The following NT5C2 variants were observed in gnomAD, a reference collection of about 807,000 sequenced individuals.
NT5C2 encodes the protein 5'-nucleotidase, cytosolic II, also known as cytosolic purine 5'-nucleotidase.
Under a neutral mutation model 76.1 loss-of-function variants are expected in NT5C2, and 58 were observed. The observed-to-expected ratio is 0.76, with a 90% CI of 0.62 to 0.95. The LOEUF (loss-of-function observed/expected upper bound fraction) is 0.95, where lower values mean the gene tolerates loss of function less well. Among genes scored for constraint, NT5C2 ranks in the 40% least tolerant of loss-of-function variants. NT5C2 has a pLI of 0.00. For synonymous variants in NT5C2, 229 were observed against 237.4 expected, an observed-to-expected ratio of 0.96 and a Z score of 0.32; for missense variants, 478 against 690.3, an observed-to-expected ratio of 0.69 and a Z score of 3.45.
At chr10:103,124,658 C>A (rs1185531314) in intron 4 of NT5C2, among the ~76,000 whole-genome samples, 1 of 151,910 alleles carries the variant, frequency 6.6e-6, no homozygotes, top group Admixed American at 6.6e-5. Context: ...CTCCCCCCAC[C>A]TTTTAAAAAA....
intron 3 of NT5C2, among the ~76,000 whole-genome samples, chr10:103,169,806 C>A (rs1157710774): frequency 6.6e-6 from 1 of 151,884 alleles, no homozygotes; most frequent in East Asian, 1.9e-4. Context: ...CATAGTGAGA[C>A]CACATCTCTA....
intron 13 of NT5C2, 45 bp from the exon 14 acceptor site, chr10:103,094,083 C>A: frequency 6.7e-7 from 1 of 1,494,784 alleles, no homozygotes; most frequent in Non-Finnish European, 9.3e-7. Context: ...CATCCTATCA[C>A]AATCCTCCCC....
intron 3 of NT5C2, among the ~76,000 whole-genome samples, chr10:103,164,019 G>C (rs1401903520): frequency 6.6e-6 from 1 of 152,004 alleles, no homozygotes; most frequent in East Asian, 1.9e-4. Context: ...CAGGAGAACT[G>C]TTTGAAGCCC....
intron 4 of NT5C2, among the ~76,000 whole-genome samples, chr10:103,127,836 G>A (rs951432052): frequency 3.9e-5 from 6 of 152,082 alleles, no homozygotes; most frequent in Admixed American, 2.0e-4. Context: ...GATTACAGGC[G>A]TGAGCCACCG....
chr10:103,096,486 GAAGTT>G (rs1205955670), intron 11 of NT5C2, among the ~76,000 whole-genome samples: 2 of 152,154 alleles, frequency 1.3e-5, no homozygotes, highest in Admixed American at 1.3e-4. Context: ...AAAGTAAGAT[GAAGTT>G]AAGGAGTTAG....
intron 4 of NT5C2, among the ~76,000 whole-genome samples, chr10:103,116,042 A>G (rs1245679462): frequency 1.3e-5 from 2 of 152,182 alleles, no homozygotes; most frequent in African/African-American, 2.4e-5. Flanking sequence ...AAGTTTAAGA[A>G]AAATAATAGC....
intron 4 of NT5C2, among the ~76,000 whole-genome samples, chr10:103,114,650 G>A (rs2073917104): frequency 6.6e-6 from 1 of 152,134 alleles, no homozygotes; most frequent in Non-Finnish European, 1.5e-5. Context: ...GGTACTTAAT[G>A]AATTGGAAAT....
chr10:103,135,549 C>A (rs1393876661), intron 4 of NT5C2, among the ~76,000 whole-genome samples: 2 of 146,666 alleles, frequency 1.4e-5, no homozygotes, highest in East Asian at 4.1e-4. Context: ...CCGAGGCAGG[C>A]AGATCACCTG....
chr10:103,148,559 G>A (rs1301915737), intron 3 of NT5C2, among the ~76,000 whole-genome samples: 5 of 151,302 alleles, frequency 3.3e-5, no homozygotes, highest in East Asian at 1.9e-4. Flanking sequence ...AGCCAAGATC[G>A]TGCCACTGCA....
At chr10:103,115,478 A>T (rs2074123963) in intron 4 of NT5C2, among the ~76,000 whole-genome samples, 1 of 152,216 alleles carries the variant, frequency 6.6e-6, no homozygotes, top group Non-Finnish European at 1.5e-5. Flanking sequence ...GATGCCACTA[A>T]TATTATTACA....
In NT5C2 at chr10:103,089,442, T is replaced by TATTTTCTTCTAATAC; in HGVS notation, c.*215_*229dup. On this transcript the variant is annotated 3_prime_UTR_variant, in exon 19 of 19. Transcript: ENST00000404739. ...ATGCAGTTCAGCCTGATTTTACCCT[T>TATTTTCTTCTAATAC]ATTTTCTTCTAATACAGACTCCATT... The TATTTTCTTCTAATAC allele has an allele frequency of 1.8e-6, 1 of 570,508 alleles. No homozygotes were observed. The highest frequency in any genetic ancestry group is 2.7e-6 in the Non-Finnish European group (1 of 372,880). The allele number at this position is 570,508 out of a possible 1,614,324, so 35.3% of individuals were successfully genotyped here. A position where few individuals can be genotyped will look rare whatever the true frequency, so the allele number is the denominator to read the frequency against.
At chr10:103,134,625 A>C (rs1591310519) in intron 4 of NT5C2, among the ~76,000 whole-genome samples, 1 of 152,220 alleles carries the variant, frequency 6.6e-6, no homozygotes, top group African/African-American at 2.4e-5. Context: ...CAGAGCCCCC[A>C]CACAGAGTCC....
intron 3 of NT5C2, among the ~76,000 whole-genome samples, chr10:103,144,693 C>T (rs895165402): frequency 3.5e-4 from 53 of 152,188 alleles, no homozygotes; most frequent in African/African-American, 1.1e-3. Flanking sequence ...AACCTAGTCA[C>T]ATTAACTATT....
intron 3 of NT5C2, among the ~76,000 whole-genome samples, chr10:103,158,838 A>C (rs1402689919): frequency 6.6e-6 from 1 of 151,782 alleles, no homozygotes. Flanking sequence ...AAAAAAGAAG[A>C]ATAAAAGCAG....
intron 6 of NT5C2, among the ~76,000 whole-genome samples, chr10:103,103,799 C>T (rs1372584196): frequency 1.3e-5 from 2 of 152,166 alleles, no homozygotes; most frequent in South Asian, 4.1e-4. Context: ...GCTTCGATAA[C>T]TTTCTTTCCC....
rs554661305 is a variant in NT5C2 at position 103,174,979 on chromosome 10, T to C, written c.-21A>G. ...GACATTTTATTTTAACTGTATTTTG[T>C]ATTCTAGAAAAGAAAATCATTAATT... On this transcript the variant is annotated 5_prime_UTR_variant, in exon 3 of 19. In the 5' UTR this introduces an upstream ATG that the reference lacks. Transcript: ENST00000404739. 1.0e-5 allele frequency: 15 copies of C among 1,489,334 alleles called. No homozygotes were observed. The East Asian group carries it at 2.5e-4, about 25-fold the overall frequency. 92.3% of individuals were successfully genotyped at this position (1,489,334 alleles called of 1,614,324 possible).
chr10:103,136,944 T>C (rs1361397143), intron 4 of NT5C2, among the ~76,000 whole-genome samples: 8 of 152,152 alleles, frequency 5.3e-5, no homozygotes, highest in Non-Finnish European at 8.8e-5. Flanking sequence ...CTTTTCAATA[T>C]ACAAGATAGT....
intron 4 of NT5C2, among the ~76,000 whole-genome samples, chr10:103,118,283 T>TTG (rs2074841901): frequency 6.6e-6 from 1 of 152,204 alleles, no homozygotes; most frequent in Admixed American, 6.5e-5. Context: ...ACCATAGGCC[T>TTG]TGTCAAGTTC....
At chr10:103,166,803 G>A (rs957832168) in intron 3 of NT5C2, among the ~76,000 whole-genome samples, 1 of 151,822 alleles carries the variant, frequency 6.6e-6, no homozygotes, top group African/African-American at 2.4e-5. Context: ...CAGGTGCACA[G>A]CACCATACTC....
Sources: allele counts gnomAD v4.1 joint callset (sites outside exome capture counted in the v4.1 genomes callset), GRCh38; gene constraint gnomAD v4.1.1; transcripts MANE v1.5; gene names NCBI Gene and HGNC (gene_info 2026-07-23, HGNC 2026-07-21).